Variants in KLHL13 observed in about 807,000 individuals in gnomAD.
KLHL13 encodes the protein kelch-like protein 13.
KLHL13 carries 10 observed loss-of-function variants against 37.1 expected under a neutral mutation model. The observed-to-expected ratio is 0.27, with a 90% CI of 0.17 to 0.46. The LOEUF (loss-of-function observed/expected upper bound fraction) is 0.46. KLHL13 is among the 20% of genes least tolerant of loss of function. KLHL13 has a pLI of 1.00. For missense variants in KLHL13, 360 were observed against 509.3 expected, an observed-to-expected ratio of 0.71 and a Z score of 2.82; for synonymous variants, 163 against 181.2, an observed-to-expected ratio of 0.90 and a Z score of 0.81.
intron 1 of KLHL13, among the ~76,000 whole-genome samples, chrX:118,070,927 C>T (rs2148113457): frequency 9.6e-6 from 1 of 104,152 alleles, no homozygotes; most frequent in South Asian, 4.8e-4. Context: ...CCACAACAGT[C>T]CCCAGAGTGT....
chrX:117,922,406 T>C lies in KLHL13; in HGVS notation c.241-2036A>G, dbSNP rs944053087. The stretch of plus-strand genomic sequence containing the variant: ...CAGTTGAGAGACTAGCATCTTTGAA[T>C]TCCCCAGTGTTTGGCATACTGTTGG... On this transcript the variant is annotated intron_variant, in intron 2 of 6. Coordinates refer to ENST00000262820, the Ensembl canonical transcript of KLHL13. 4.5e-5 allele frequency among the ~76,000 whole-genome samples: 5 copies of C among 111,708 alleles called. No individual in the cohort carries two copies. In the East Asian group the frequency reaches 8.5e-4, roughly 19 times the overall value.
intron 1 of KLHL13, among the ~76,000 whole-genome samples, chrX:117,953,679 T>C (rs367949956): frequency 3.6e-5 from 4 of 111,660 alleles, no homozygotes; most frequent in South Asian, 7.6e-4. Context: ...AGAGCCTACA[T>C]TGTTCCCATT....
At chrX:118,061,972 T>G (rs2054747739) in intron 1 of KLHL13, among the ~76,000 whole-genome samples, 1 of 111,498 alleles carries the variant, frequency 9.0e-6, no homozygotes, top group Admixed American at 9.5e-5. Context: ...TTTTTCTATC[T>G]TTTTGGTATA....
chrX:117,993,987 C>T (rs1217501700), intron 1 of KLHL13, among the ~76,000 whole-genome samples: 13 of 110,540 alleles, frequency 1.2e-4, no homozygotes, highest in Non-Finnish European at 2.5e-4. Context: ...CCACCCACCT[C>T]GGCCTCCCAA....
intron 1 of KLHL13, among the ~76,000 whole-genome samples, chrX:118,061,316 T>TG (rs2148093781): frequency 9.0e-6 from 1 of 111,248 alleles, no homozygotes; most frequent in South Asian, 3.8e-4. Flanking sequence ...GAGCATTTGG[T>TG]GGGCAGAGGT....
At chrX:117,946,143 T>C (rs1933308019) in intron 1 of KLHL13, 1 of 111,600 alleles carries the variant, frequency 9.0e-6, no homozygotes, top group Admixed American at 9.6e-5. Flanking sequence ...TATTAATGCA[T>C]TACTTTATCT....
At chrX:117,992,101 A>T (rs918248073) in intron 1 of KLHL13, among the ~76,000 whole-genome samples, 1 of 110,006 alleles carries the variant, frequency 9.1e-6, no homozygotes, top group Non-Finnish European at 1.9e-5. Flanking sequence ...GCCCTGAGGG[A>T]ATGAGGCAGG....
intron 1 of KLHL13, among the ~76,000 whole-genome samples, chrX:118,006,106 C>T (rs1192613951): frequency 9.0e-6 from 1 of 111,628 alleles, no homozygotes; most frequent in Non-Finnish European, 1.9e-5. Flanking sequence ...CATCTCCCTA[C>T]CACCCAGTGA....
At chrX:118,018,769 A>G (rs893787496) in intron 1 of KLHL13, among the ~76,000 whole-genome samples, 2 of 111,421 alleles carry the variant, frequency 1.8e-5, no homozygotes, top group African/African-American at 3.2e-5. Context: ...GTTTGCCATT[A>G]TATCTTCTAA....
In KLHL13 at chrX:118,073,012, T is replaced by C. The variant is rs151038513; in HGVS notation, c.-56+43496A>G. ...AGGAGGCTGAGGTGGGAGAATTGCT[T>C]GAGCCCTGGAGGTCAAGGCTTCAGC... On this transcript the variant is annotated intron_variant, in intron 1 of 6. Coordinates refer to the KLHL13 transcript ENST00000371882. 8.7e-3 allele frequency among the ~76,000 whole-genome samples: 952 copies of C among 109,191 alleles called. 15 individuals carry two copies. Among genetic ancestry groups the C allele is most frequent in the African/African-American group, 0.029 (879 of 29,891 alleles). 94.8% of individuals were successfully genotyped at this position (109,191 alleles called of 115,157 possible). A position where few individuals can be genotyped will look rare whatever the true frequency, so the allele number is the denominator to read the frequency against.
intron 1 of KLHL13, among the ~76,000 whole-genome samples, chrX:117,993,636 T>C (rs2147951158): frequency 9.0e-6 from 1 of 111,234 alleles, no homozygotes; most frequent in South Asian, 3.9e-4. Context: ...GTGAGATTTT[T>C]AGGGAGAGAG....
intron 1 of KLHL13, among the ~76,000 whole-genome samples, chrX:118,038,822 T>C (rs2054477784): frequency 9.0e-6 from 1 of 111,535 alleles, no homozygotes; most frequent in Admixed American, 9.5e-5. Context: ...CACAAGCTGG[T>C]GCACCCAAGG....
exon 1 of KLHL13, chrX:117,973,116 CA>C (rs778472641): frequency 2.6e-5 from 25 of 979,592 alleles, no homozygotes; most frequent in Non-Finnish European, 3.2e-5. Context: ...CTGCACTGTG[CA>C]TACCATACAA....
At chrX:117,947,151 A>G (rs375924219) in intron 1 of KLHL13, 62 of 112,122 alleles carry the variant, frequency 5.5e-4, no homozygotes, top group Non-Finnish European at 1.0e-3. Context: ...CACAATTTTA[A>G]ACAACTTTTG....
At chrX:117,957,938 C>A (rs187230678) in intron 1 of KLHL13, among the ~76,000 whole-genome samples, 1,920 of 111,484 alleles carry the variant, frequency 0.017, 7 homozygotes, top group Non-Finnish European at 0.028. Flanking sequence ...TTTAAAAAAA[C>A]CTTATTTTCC....
At chrX:117,973,050 A>G (rs1237900218) in exon 1 of KLHL13, 2 of 1,035,317 alleles carry the variant, frequency 1.9e-6, no homozygotes, top group Non-Finnish European at 2.5e-6. Context: ...TGATTCAATC[A>G]TTCCAACTCA....
At chrX:118,099,669 T>A (rs187137827) in intron 1 of KLHL13, among the ~76,000 whole-genome samples, 8,090 of 109,900 alleles carry the variant, frequency 0.074, 256 homozygotes, top group Middle Eastern at 0.14. Context: ...TTAAAAAAAA[T>A]TAGCTGGGCA....
At chrX:118,073,121 AAAG>A (rs1450402175) in intron 1 of KLHL13, among the ~76,000 whole-genome samples, 1 of 109,619 alleles carries the variant, frequency 9.1e-6, no homozygotes, top group Non-Finnish European at 1.9e-5. Context: ...ACAAATGAAG[AAAG>A]AAGTCCTCAT....
chrX:118,053,397 A>C (rs112817756), intron 1 of KLHL13, among the ~76,000 whole-genome samples: 5 of 111,687 alleles, frequency 4.5e-5, no homozygotes, highest in African/African-American at 1.6e-4. Flanking sequence ...AGGACAAAAA[A>C]CCAAACACCG....
Sources: gnomAD v4.1 joint callset for allele counts (sites outside exome capture counted in the v4.1 genomes callset) on GRCh38, gnomAD v4.1.1 for gene constraint, MANE v1.5 for transcripts, NCBI Gene and HGNC (gene_info 2026-07-23, HGNC 2026-07-21) for gene names.